SBF2: variants seen among roughly 807,000 people sequenced by gnomAD.
SBF2 encodes SET binding factor 2.
Under a neutral mutation model 225.2 loss-of-function variants are expected in SBF2, and 112 were observed. The observed-to-expected ratio is 0.50, with a 90% confidence interval of 0.43 to 0.58. The LOEUF (loss-of-function observed/expected upper bound fraction) is 0.58. SBF2 is among the 20% of genes least tolerant of loss of function. SBF2 has a pLI of 0.00. For synonymous variants in SBF2, 763 were observed against 773.3 expected (o/e 0.99, Z 0.22); for missense variants, 1,996 against 2,206.2 (o/e 0.90, Z 1.91).
chr11:10,093,390 AAAAAAAC>A (rs1185995294), intron 2 of SBF2, among the ~76,000 whole-genome samples: 2 of 151,728 alleles, frequency 1.3e-5, no homozygotes, highest in African/African-American at 4.8e-5. Context: ...TGGAAAAAAA[AAAAAAAC>A]AAAAAAAAAT....
At chr11:10,217,680 TGA>T in intron 1 of SBF2, among the ~76,000 whole-genome samples, 1 of 152,174 alleles carries the variant, frequency 6.6e-6, no homozygotes, top group Non-Finnish European at 1.5e-5. Context: ...ATAATTTTTA[TGA>T]GAGAAAAAAC....
chr11:10,017,715 C>T (rs1360430235), intron 6 of SBF2, among the ~76,000 whole-genome samples: 2 of 151,984 alleles, frequency 1.3e-5, no homozygotes, highest in African/African-American at 4.8e-5. Flanking sequence ...CAGACTCAAC[C>T]CCCTGAGTAT....
chr11:10,072,678 C>G (rs981260973), intron 2 of SBF2, among the ~76,000 whole-genome samples: 4 of 150,020 alleles, frequency 2.7e-5, no homozygotes, highest in African/African-American at 9.8e-5. Context: ...CCACTAATGG[C>G]TGCATTACTA....
chr11:10,112,045 A>G lies in SBF2; in HGVS notation c.142-69064T>C, dbSNP rs373636399. On this transcript the variant is annotated intron_variant, in intron 2 of 39. Transcript: ENST00000256190. Reference sequence around the variant, plus strand: ...ATTACTCTGAATCACAGAAAGATGTAGTCTCTAATTTCAAGAATCAAAGTA... The same window carrying G: ...ATTACTCTGAATCACAGAAAGATGTGGTCTCTAATTTCAAGAATCAAAGTA... Among the ~76,000 whole-genome samples, 5 of 152,372 alleles carry G rather than the reference A, an allele frequency of 3.3e-5. 1 individual carries two copies. The highest frequency in any genetic ancestry group is 1.2e-4 in the African/African-American group (5 of 41,588).
chr11:10,101,492 A>C (rs1952299172), intron 2 of SBF2, among the ~76,000 whole-genome samples: 1 of 152,168 alleles, frequency 6.6e-6, no homozygotes, highest in Non-Finnish European at 1.5e-5. Context: ...TTCCTTTTGT[A>C]AAGTGGCTTG....
intron 1 of SBF2, among the ~76,000 whole-genome samples, chr11:10,265,631 C>T (rs548269023): frequency 9.2e-5 from 14 of 152,130 alleles, no homozygotes; most frequent in South Asian, 6.2e-4. Flanking sequence ...CTGTGAAACA[C>T]GCCTAAATAT....
chr11:10,249,524 CATT>C (rs1960145239), intron 1 of SBF2, among the ~76,000 whole-genome samples: 1 of 152,006 alleles, frequency 6.6e-6, no homozygotes, highest in African/African-American at 2.4e-5. Context: ...AATGAGTAAA[CATT>C]GTTGCCTTTT....
At chr11:10,110,869 C>T (rs1380493985) in intron 2 of SBF2, among the ~76,000 whole-genome samples, 7 of 152,016 alleles carry the variant, frequency 4.6e-5, no homozygotes, top group African/African-American at 1.7e-4. Context: ...TACACATATA[C>T]TATTTAGTTA....
intron 2 of SBF2, among the ~76,000 whole-genome samples, chr11:10,168,109 C>T (rs1180604313): frequency 1.3e-5 from 2 of 152,188 alleles, no homozygotes; most frequent in African/African-American, 4.8e-5. Flanking sequence ...TCACATACTA[C>T]ATAATTTACT....
At chr11:10,201,766 C>T (rs542459815) in intron 1 of SBF2, among the ~76,000 whole-genome samples, 8 of 152,248 alleles carry the variant, frequency 5.3e-5, no homozygotes, top group South Asian at 4.2e-4. Context: ...GAGGCCAAGG[C>T]GGGCAGATCA....
At position 10,294,048 on chromosome 11, in the gene SBF2, A is replaced by G; in HGVS notation, c.22T>C (p.Phe8Leu). 7.1e-7 allele frequency: 1 copy of G among 1,401,574 alleles called. No individual in the cohort carries two copies. The highest frequency in any genetic ancestry group is 9.3e-7 in the Non-Finnish European group (1 of 1,071,662). The allele number at this position is 1,401,574 out of a possible 1,614,324, so 86.8% of individuals were successfully genotyped here. The change falls in exon 1 of 40, where the codon TTC (phenylalanine) becomes CTC (leucine). Residue 8 changes from phenylalanine to leucine, a missense_variant. Physicochemically the swap from Phe to Leu is conservative, Grantham distance 22 (BLOSUM62 0). Transcript: ENST00000256190. Reference protein sequence around the residue: MARLADYFIVVGYDHEKP... With the variant: MARLADYLIVVGYDHEKP... ...TCGTGGTCATAGCCTACCACGATGA[A>G]GTAGTCAGCCAGCCGGGCCATGGCC...
chr11:9,828,455 T>C lies in SBF2; in HGVS notation c.3793+901A>G, dbSNP rs527839046. 1.6e-5 allele frequency: 16 copies of C among 985,426 alleles called. 1 individual carries two copies. The South Asian group carries it at 5.6e-4, about 35-fold the overall frequency. 61.0% of individuals were successfully genotyped at this position (985,426 alleles called of 1,614,324 possible). On this transcript the variant is annotated intron_variant, in intron 28 of 39. Coordinates refer to ENST00000256190, the MANE Select transcript of SBF2 (RefSeq NM_030962.4). Reference sequence around the variant, plus strand: ...CAAGTGCAATCAGAGAATTTAATGATAAATGGAGCAAGGCATGCATGGTGT... The same window carrying C: ...CAAGTGCAATCAGAGAATTTAATGACAAATGGAGCAAGGCATGCATGGTGT...
At chr11:9,781,711 T>G in intron 38 of SBF2, 73 bp from the exon 39 acceptor site, 1 of 1,550,436 alleles carries the variant, frequency 6.4e-7, no homozygotes, top group Non-Finnish European at 8.9e-7. Flanking sequence ...AAACTGCATT[T>G]GAATACCTTC....
At chr11:10,285,441 G>C (rs1400568336) in intron 1 of SBF2, among the ~76,000 whole-genome samples, 1 of 152,060 alleles carries the variant, frequency 6.6e-6, no homozygotes, top group Non-Finnish European at 1.5e-5. Flanking sequence ...ATAGGACCTG[G>C]TGGCAGGGAA....
intron 2 of SBF2, among the ~76,000 whole-genome samples, chr11:10,092,054 T>C (rs1203433769): frequency 3.3e-5 from 5 of 152,166 alleles, no homozygotes; most frequent in Non-Finnish European, 7.4e-5. Flanking sequence ...ATTTCAAGAC[T>C]ACCAAAGATA....
intron 1 of SBF2, among the ~76,000 whole-genome samples, chr11:10,268,169 TG>T (rs1962170342): frequency 2.6e-5 from 4 of 152,204 alleles, no homozygotes; most frequent in Admixed American, 2.6e-4. Flanking sequence ...GATTTCTCTC[TG>T]TAAATGTTAC....
chr11:9,831,964 G>C (rs1235391412), intron 27 of SBF2, among the ~76,000 whole-genome samples: 1 of 152,142 alleles, frequency 6.6e-6, no homozygotes, highest in African/African-American at 2.4e-5. Flanking sequence ...AATTGCCTAG[G>C]ACCAAAGACT....
At chr11:10,262,471 TACTGTCTAGAGCACTC>T (rs1961542268) in intron 1 of SBF2, among the ~76,000 whole-genome samples, 2 of 152,164 alleles carry the variant, frequency 1.3e-5, no homozygotes, top group African/African-American at 4.8e-5. Context: ...AACCTAGTCT[TACTGTCTAGAGCACTC>T]ACCTGGCAAT....
At chr11:10,137,521 A>G (rs1009597996) in intron 2 of SBF2, among the ~76,000 whole-genome samples, 2 of 152,158 alleles carry the variant, frequency 1.3e-5, no homozygotes, top group Non-Finnish European at 2.9e-5. Flanking sequence ...GTATAATGTT[A>G]CCTTCGGCTT....
Sources: gnomAD v4.1 joint callset for allele counts (sites outside exome capture counted in the v4.1 genomes callset) on GRCh38, gnomAD v4.1.1 for gene constraint, MANE v1.5 for transcripts, NCBI Gene and HGNC (gene_info 2026-07-23, HGNC 2026-07-21) for gene names.